The following CRYGB variants were observed in gnomAD, a reference collection of about 807,000 sequenced individuals.
CRYGB encodes crystallin gamma B, also known as gamma-crystallin B.
In CRYGB, 19 loss-of-function variants were observed where a neutral mutation model predicts 21.3. That is an observed-to-expected ratio of 0.89 (90% CI 0.62 to 1.31). The LOEUF (loss-of-function observed/expected upper bound fraction) is 1.31. CRYGB is among the 50% of genes most tolerant of loss of function. The probability of loss-of-function intolerance (pLI) is 0.00; values close to 1 mark genes in which losing one functional copy is unlikely to be tolerated. For synonymous variants in CRYGB, 81 were observed against 81.2 expected, an observed-to-expected ratio of 1.00 and a Z score of 0.01; for missense variants, 254 against 228.4, an observed-to-expected ratio of 1.11 and a Z score of -0.72.
At chr2:208,143,014 C>A (rs1006319741) in intron 2 of CRYGB, 101 bp from the exon 3 acceptor site, 9 of 1,339,530 alleles carry the variant, frequency 6.7e-6, no homozygotes, top group Non-Finnish European at 9.0e-6. Context: ...CCCAGAAGTT[C>A]TCCCAGGCCA....
At chr2:208,144,269 C>T (rs766601398) in intron 2 of CRYGB, among the ~76,000 whole-genome samples, 18 of 152,180 alleles carry the variant, frequency 1.2e-4, no homozygotes, top group Admixed American at 2.0e-4. Flanking sequence ...CCTGCTTTGG[C>T]CTCCCAAAAG....
chr2:208,142,913 G>GGCGCACAGA lies in CRYGB; in HGVS notation c.253-1_253insTCTGTGCGC (p.Pro84_His85insSerValArg). ...ATCTTCATTCTGTAAGCGCCAGAGT[G>GGCGCACAGA]CTGGAGTGGCAGACAGAAAACGCAA... is the stretch of plus-strand genomic sequence containing the variant. On this transcript the variant is annotated inframe_insertion and splice_region_variant. Transcript: ENST00000260988. 1 of 1,587,618 alleles carries GGCGCACAGA rather than the reference G, an allele frequency of 6.3e-7. No individual in the cohort carries two copies.
At chr2:208,144,346 G>T (rs1224811253) in intron 2 of CRYGB, among the ~76,000 whole-genome samples, 1 of 151,700 alleles carries the variant, frequency 6.6e-6, no homozygotes, top group Non-Finnish European at 1.5e-5. Context: ...AATTGACTGA[G>T]ACCTGTCTCA....
At chr2:208,143,370 C>G (rs1695391788) in intron 2 of CRYGB, among the ~76,000 whole-genome samples, 2 of 152,182 alleles carry the variant, frequency 1.3e-5, no homozygotes, top group Non-Finnish European at 2.9e-5. Flanking sequence ...CTGAGGCTCA[C>G]CTGAGACAAA....
At chr2:208,143,055 G>A (rs1695385282) in intron 2 of CRYGB, 142 bp from the exon 3 acceptor site, 1 of 824,550 alleles carries the variant, frequency 1.2e-6, no homozygotes, top group Non-Finnish European at 1.8e-6. Flanking sequence ...CTGTTGCAAA[G>A]TTAAGGAGCT....
intron 2 of CRYGB, among the ~76,000 whole-genome samples, chr2:208,143,818 C>T (rs532961892): frequency 2.1e-4 from 32 of 151,588 alleles, no homozygotes; most frequent in African/African-American, 7.0e-4. Flanking sequence ...GTTTCTTATC[C>T]ATGTCTAACC....
In CRYGB at chr2:208,142,897, C is replaced by G. The variant is rs2241980; in HGVS notation, c.269G>C (p.Arg90Thr). The change falls in exon 3 of 3, where the codon AGA becomes ACA. Residue 90 changes from arginine to threonine, a missense_variant. Arg to Thr is a moderately conservative substitution (Grantham distance 71). Coordinates refer to ENST00000260988, the MANE Select transcript of CRYGB (RefSeq NM_005210.4). ...TTCATCTCTGTCGTAGATCTTCATT[C>G]TGTAAGCGCCAGAGTGCTGGAGTGG... is the stretch of plus-strand genomic sequence containing the variant. ...CLIPPHSGAYRMKIYDRDELR... is the reference protein window; with the variant it reads ...CLIPPHSGAYTMKIYDRDELR... 1.2e-6 allele frequency: 2 copies of G among 1,606,078 alleles called. No homozygotes were observed. Among genetic ancestry groups the G allele is most frequent in the East Asian group, 4.5e-5 (2 of 44,748 alleles).
intron 2 of CRYGB, among the ~76,000 whole-genome samples, chr2:208,145,282 C>T (rs949300363): frequency 2.6e-5 from 4 of 151,696 alleles, no homozygotes; most frequent in African/African-American, 4.8e-5. Context: ...CTCACTCTGT[C>T]ACCAGGCTGG....
intron 2 of CRYGB, among the ~76,000 whole-genome samples, chr2:208,143,465 A>T (rs1459999416): frequency 6.6e-6 from 1 of 152,056 alleles, no homozygotes; most frequent in Non-Finnish European, 1.5e-5. Flanking sequence ...ATTCAGTGGA[A>T]AGCTGATCAA....
In CRYGB at chr2:208,145,846, A is replaced by T; in HGVS notation, c.180T>A (p.Arg60=). Residue 60 remains arginine (R), a synonymous_variant, in exon 2 of 3, where the codon CGT becomes CGA. Coordinates refer to ENST00000260988, the MANE Select transcript of CRYGB (RefSeq NM_005210.4). ...ATTGCTGGTAGTCAGGGTACTCCCC[A>T]CGCCGCAGGAAGTACTGGTGGCCCT... The part of the protein sequence containing the change: ...NYQGHQYFLR[R]GEYPDYQQWM... 6.2e-7 allele frequency: 1 copy of T among 1,614,080 alleles called. No homozygotes were observed. The highest frequency in any genetic ancestry group is 8.5e-7 in the Non-Finnish European group (1 of 1,180,004).
At chr2:208,145,437 C>T (rs1350423937) in intron 2 of CRYGB, among the ~76,000 whole-genome samples, 2 of 151,942 alleles carry the variant, frequency 1.3e-5, no homozygotes, top group African/African-American at 4.8e-5. Context: ...ACCTGTAATC[C>T]CAGCACTTTG....
Position 208,145,971 on chromosome 2 carries a change from A to C in CRYGB, c.55T>G (p.Cys19Gly). 1 of 1,614,200 alleles carries C rather than the reference A, an allele frequency of 6.2e-7. No individual in the cohort carries two copies. Among genetic ancestry groups the C allele is most frequent in the Non-Finnish European group, 8.5e-7 (1 of 1,180,034 alleles). ...TGTAGGTTGGGGCAGTCAGTGGTGC[A>C]TTCGTAGCTGCGGCCCTGGAAGGCC... Reference protein sequence around the residue: ...DRAFQGRSYECTTDCPNLQPY... With the variant: ...DRAFQGRSYEGTTDCPNLQPY... Residue 19 changes from cysteine (C) to glycine (G), a missense_variant, in exon 2 of 3, where the codon TGC becomes GGC. By Grantham distance (159) the Cys-to-Gly change is radical (BLOSUM62 -3). Transcript: ENST00000260988.
rs769525215 is a variant in CRYGB, at chr2:208,145,948, T to C, written c.78A>G (p.Leu26=). ...SYECTTDCPN[L]QPYFSRCNSI... is the part of the protein sequence containing the mutation. The stretch of plus-strand genomic sequence containing the variant: ...AGTTGCAGCGGCTGAAATAGGGTTG[T>C]AGGTTGGGGCAGTCAGTGGTGCATT... The change falls in exon 2 of 3, where the codon CTA becomes CTG. Residue 26 remains leucine, a synonymous_variant. Coordinates refer to ENST00000260988, the MANE Select transcript of CRYGB (RefSeq NM_005210.4). The C allele has an allele frequency of 2.5e-6, 4 of 1,614,118 alleles. No individual in the cohort carries two copies. Among genetic ancestry groups the C allele is most frequent in the Non-Finnish European group, 3.4e-6 (4 of 1,180,028 alleles).
intron 2 of CRYGB, among the ~76,000 whole-genome samples, chr2:208,144,810 T>G (rs1410699433): frequency 6.6e-6 from 1 of 151,826 alleles, no homozygotes; most frequent in Non-Finnish European, 1.5e-5. Flanking sequence ...AGGGTGGTCT[T>G]GAACTCCTGA....
rs142007191 is a variant in CRYGB at position 208,142,692 on chromosome 2, C to T, written c.474G>A (p.Trp158Ter). The T allele has an allele frequency of 6.9e-6, 11 of 1,596,958 alleles. No individual in the cohort carries two copies. The highest frequency in any genetic ancestry group is 9.4e-6 in the Non-Finnish European group (11 of 1,173,766). The stretch of plus-strand genomic sequence containing the variant: ...AGCCAACTTTGGCATTTGGAGCCCC[C>T]CAATCAAGAAACCTCCTGTACTCCC... ...RPGEYRRFLD[W>*]GAPNAKVGSL... Residue 158 changes from tryptophan (W) to a stop codon, truncating the protein, a stop_gained, in exon 3 of 3, where the codon TGG becomes TGA. Transcript: ENST00000260988. LOFTEE classifies it high-confidence loss of function.
intron 2 of CRYGB, among the ~76,000 whole-genome samples, chr2:208,145,060 A>G (rs113083658): frequency 2.1e-4 from 32 of 152,298 alleles, no homozygotes; most frequent in African/African-American, 7.5e-4. Context: ...CCCAGAAAAT[A>G]TGGAATCTCA....
chr2:208,146,073 A>G, intron 1 of CRYGB, 39 bp downstream of exon 1: 1 of 1,614,204 alleles, frequency 6.2e-7, no homozygotes, highest in Non-Finnish European at 8.5e-7. Flanking sequence ...AGGCCACTGC[A>G]TTAGGGCCAA....
chr2:208,144,891 A>G (rs1356439113), intron 2 of CRYGB, among the ~76,000 whole-genome samples: 1 of 151,962 alleles, frequency 6.6e-6, no homozygotes, highest in African/African-American at 2.4e-5. Context: ...TTCAGTTCAA[A>G]TTTCAACCTA....
chr2:208,144,614 G>A lies in CRYGB; in HGVS notation c.252+1160C>T, dbSNP rs536373112. 4.8e-4 allele frequency among the ~76,000 whole-genome samples: 69 copies of A among 145,022 alleles called. 2 individuals carry two copies. In the South Asian group the frequency reaches 0.015, roughly 31 times the overall value. ...TTTCTTTTTTTTTTTTTTTTGAGAC[G>A]GAATCTTGCTCTGTCACCCAGACTG... is the stretch of plus-strand genomic sequence containing the variant. On this transcript the variant is annotated intron_variant, in intron 2 of 2. Transcript: ENST00000260988.
Sources: allele counts gnomAD v4.1 joint callset (sites outside exome capture counted in the v4.1 genomes callset), GRCh38; gene constraint gnomAD v4.1.1; transcripts MANE v1.5; gene names NCBI Gene and HGNC (gene_info 2026-07-23, HGNC 2026-07-21).